MTMR3: variants seen among roughly 807,000 people sequenced by gnomAD.
MTMR3 encodes the protein myotubularin related protein 3, also known as phosphatidylinositol-3,5-bisphosphate 3-phosphatase MTMR3.
A neutral mutation model predicts 132.4 loss-of-function variants in MTMR3; 32 were observed. The observed-to-expected ratio is 0.24, with a 90% CI of 0.18 to 0.32. The LOEUF is 0.32. Ranked by LOEUF, MTMR3 falls within the 10% of genes least tolerant of loss-of-function variation. The pLI is 1.00. For missense variants in MTMR3, 1,216 were observed against 1,489.6 expected, an observed-to-expected ratio of 0.82 and a Z score of 3.02; for synonymous variants, 556 against 550.3, an observed-to-expected ratio of 1.01 and a Z score of -0.14.
intron 2 of MTMR3, among the ~76,000 whole-genome samples, chr22:29,967,230 T>TGC (rs1272867163): frequency 2.1e-5 from 2 of 94,268 alleles, no homozygotes; most frequent in Non-Finnish European, 4.2e-5. Flanking sequence ...TGTGTGTGTG[T>TGC]GTGCATGCGC....
At chr22:29,965,701 A>G (rs2066401778) in intron 2 of MTMR3, among the ~76,000 whole-genome samples, 1 of 152,182 alleles carries the variant, frequency 6.6e-6, no homozygotes, top group Non-Finnish European at 1.5e-5. Context: ...AAAACAAAAC[A>G]AAACAAATTA....
At chr22:29,889,391 A>G (rs192592288) in intron 1 of MTMR3, among the ~76,000 whole-genome samples, 2 of 150,558 alleles carry the variant, frequency 1.3e-5, no homozygotes, top group African/African-American at 2.4e-5. Context: ...GGTTCTAGCA[A>G]TTCTGCTGCC....
At chr22:29,921,926 GC>G (rs766497711) in intron 1 of MTMR3, among the ~76,000 whole-genome samples, 1 of 148,880 alleles carries the variant, frequency 6.7e-6, no homozygotes, top group Non-Finnish European at 1.5e-5. Context: ...TCGGCTTGCT[GC>G]AACCTCGACC....
At chr22:29,967,229 G>A (rs1292818072) in intron 2 of MTMR3, among the ~76,000 whole-genome samples, 3,222 of 116,760 alleles carry the variant, frequency 0.028, 41 homozygotes, top group Non-Finnish European at 0.036. Context: ...GTGTGTGTGT[G>A]TGTGCATGCG....
chr22:29,907,607 T>A (rs1282797691), intron 1 of MTMR3, among the ~76,000 whole-genome samples: 1 of 152,106 alleles, frequency 6.6e-6, no homozygotes, highest in Non-Finnish European at 1.5e-5. Flanking sequence ...GCATAAAAAA[T>A]TTTAAATGTA....
intron 1 of MTMR3, among the ~76,000 whole-genome samples, chr22:29,902,448 C>T (rs2065019562): frequency 6.8e-6 from 1 of 147,822 alleles, no homozygotes; most frequent in African/African-American, 2.5e-5. Context: ...CGCTCTGTCG[C>T]CCAGGCTGGA....
intron 1 of MTMR3, among the ~76,000 whole-genome samples, chr22:29,939,665 AAG>A (rs2065817603): frequency 6.6e-6 from 1 of 151,814 alleles, no homozygotes; most frequent in African/African-American, 2.4e-5. Flanking sequence ...TTTATAAAAT[AAG>A]AACCGTAATT....
chr22:29,885,766 A>C (rs1725178172), intron 1 of MTMR3, among the ~76,000 whole-genome samples: 3 of 152,146 alleles, frequency 2.0e-5, no homozygotes, highest in Non-Finnish European at 4.4e-5. Context: ...GGCCATGAGG[A>C]GTGGTAAAGT....
intron 1 of MTMR3, among the ~76,000 whole-genome samples, chr22:29,890,974 A>G (rs1041519923): frequency 3.3e-5 from 5 of 151,816 alleles, no homozygotes; most frequent in Admixed American, 2.6e-4. Context: ...GATTGTGCTT[A>G]TGAATATAGC....
intron 1 of MTMR3, among the ~76,000 whole-genome samples, chr22:29,923,047 T>A (rs1167633781): frequency 6.7e-6 from 1 of 149,586 alleles, no homozygotes; most frequent in African/African-American, 2.5e-5. Context: ...GCCAATTTTT[T>A]TTTTTTTTTT....
rs200391520 is a variant in MTMR3, at chr22:29,906,253, T to C, written c.-138+22894T>C. 5.1e-3 allele frequency among the ~76,000 whole-genome samples: 438 copies of C among 85,652 alleles called. 1 individual carries two copies. Among genetic ancestry groups the C allele is most frequent in the African/African-American group, 0.023 (330 of 14,324 alleles). 56.2% of individuals were successfully genotyped at this position (85,652 alleles called of 152,430 possible). On this transcript the variant is annotated intron_variant, in intron 1 of 19. Transcript: ENST00000401950. Reference sequence around the variant, plus strand: ...ACATTTATCCATCCATCCGTCTGTCTGTCTGTCTGTCTGTCTGTCTGTCTG... The same window carrying C: ...ACATTTATCCATCCATCCGTCTGTCCGTCTGTCTGTCTGTCTGTCTGTCTG...
intron 1 of MTMR3, among the ~76,000 whole-genome samples, chr22:29,901,024 T>G (rs1432771923): frequency 6.6e-6 from 1 of 152,210 alleles, no homozygotes; most frequent in Admixed American, 6.5e-5. Flanking sequence ...TGCCTAGTTA[T>G]GTGAAAATAC....
intron 5 of MTMR3, chr22:29,980,889 G>A (rs760588673): frequency 2.0e-5 from 3 of 152,194 alleles, no homozygotes; most frequent in Admixed American, 6.5e-5. Flanking sequence ...GTCTGACAAC[G>A]TGGCAGGGAC....
At chr22:30,022,361 T>A (rs2067783844) in intron 18 of MTMR3, 1 of 607,482 alleles carries the variant, frequency 1.6e-6, no homozygotes. Context: ...CTCTATGAAC[T>A]GGAGCCTTGC....
At chr22:29,977,438 C>G (rs9608828) in intron 3 of MTMR3, among the ~76,000 whole-genome samples, 7,403 of 152,252 alleles carry the variant, frequency 0.049, 261 homozygotes, top group South Asian at 0.087. Flanking sequence ...TACATGTCAT[C>G]TAGATGAGAA....
chr22:29,891,586 C>A (rs922657920), intron 1 of MTMR3, among the ~76,000 whole-genome samples: 1 of 151,966 alleles, frequency 6.6e-6, no homozygotes, highest in African/African-American at 2.4e-5. Context: ...TGTGTGCCAC[C>A]ATGCCTGGCT....
intron 13 of MTMR3, 23 bp downstream of exon 13, chr22:30,012,586 G>A (rs896854268): frequency 1.9e-6 from 3 of 1,569,292 alleles, no homozygotes; most frequent in African/African-American, 2.7e-5. Context: ...AAATGGGAGG[G>A]GTTGGTACTT....
intron 1 of MTMR3, among the ~76,000 whole-genome samples, chr22:29,896,972 A>AT (rs1415959282): frequency 3.3e-5 from 5 of 151,726 alleles, no homozygotes; most frequent in Non-Finnish European, 5.9e-5. Context: ...ACCTTGGCTT[A>AT]TTTTTTTAAA....
Position 30,019,972 on chromosome 22 carries a change from G to A in MTMR3, c.2313G>A (p.Gly771=). The change falls in exon 17 of 20, where the codon GGG becomes GGA. Residue 771 remains glycine (G), a synonymous_variant. Coordinates refer to ENST00000401950, the MANE Select transcript of MTMR3 (RefSeq NM_021090.4). ...AGGGCATTTCTGAACAGCAGAGTGG[G>A]CTCAGTGTTCTCCTCAGTTCTCTCC... is the stretch of plus-strand genomic sequence containing the variant. ...FSQGISEQQS[G]LSVLLSSLQV... 1.2e-6 allele frequency: 2 copies of A among 1,614,206 alleles called. No individual in the cohort carries two copies. Among genetic ancestry groups the A allele is most frequent in the Non-Finnish European group, 1.7e-6 (2 of 1,180,034 alleles).
Sources: gnomAD v4.1 joint callset for allele counts (sites outside exome capture counted in the v4.1 genomes callset) on GRCh38, gnomAD v4.1.1 for gene constraint, MANE v1.5 for transcripts, NCBI Gene and HGNC (gene_info 2026-07-23, HGNC 2026-07-21) for gene names.